Variants in KIF13A observed in about 807,000 individuals in gnomAD.
The protein encoded by KIF13A is kinesin-like protein KIF13A.
Under a neutral mutation model 212.2 loss-of-function variants are expected in KIF13A, and 79 were observed. The observed-to-expected ratio is 0.37, with a 90% confidence interval of 0.31 to 0.45. KIF13A has a LOEUF of 0.45. Among genes scored for constraint, KIF13A ranks in the 20% least tolerant of loss-of-function variants. The pLI is 1.00. For missense variants in KIF13A, 1,901 were observed against 2,209.0 expected, an observed-to-expected ratio of 0.86 and a Z score of 2.79; for synonymous variants, 789 against 808.6, an observed-to-expected ratio of 0.98 and a Z score of 0.41.
At chr6:17,901,354 AT>A (rs1203309364) in intron 2 of KIF13A, among the ~76,000 whole-genome samples, 3 of 152,208 alleles carry the variant, frequency 2.0e-5, no homozygotes, top group Admixed American at 1.3e-4. Context: ...AAATAAAAAA[AT>A]TCATATACTT....
At position 17,794,695 on chromosome 6, in the gene KIF13A, T is replaced by C. The variant is rs1486751512; in HGVS notation, c.2952A>G (p.Glu984=). ...TCCACATTTCTATTCTTCGCGTTAC[T>C]TCATTCCACCTGCAGAAACACATTC... ...KTRTLHDRWN[E]VTRRIEMWIS... is the part of the protein sequence containing the mutation. The change falls in exon 24 of 39, where the codon GAA becomes GAG. Residue 984 remains glutamate, a synonymous_variant. Coordinates refer to ENST00000259711, the MANE Select transcript of KIF13A (RefSeq NM_022113.6). The surrounding 1 kb of genome is among the most constrained non-coding windows in gnomAD (Gnocchi z 4.1). 1 of 1,608,768 alleles carries C rather than the reference T, an allele frequency of 6.2e-7. No homozygotes were observed. Among genetic ancestry groups the C allele is most frequent in the Non-Finnish European group, 8.5e-7 (1 of 1,178,824 alleles).
intron 3 of KIF13A, among the ~76,000 whole-genome samples, chr6:17,894,533 C>T (rs1772384473): frequency 6.6e-6 from 1 of 151,800 alleles, no homozygotes; most frequent in Non-Finnish European, 1.5e-5. Context: ...TTTAGGCTTA[C>T]AAAAAACTTC....
chr6:17,939,800 C>T (rs1259078983), intron 2 of KIF13A, among the ~76,000 whole-genome samples: 4 of 152,122 alleles, frequency 2.6e-5, no homozygotes, highest in Non-Finnish European at 4.4e-5. Flanking sequence ...CGCTTCTAAT[C>T]CCAGCACTTT....
intron 2 of KIF13A, among the ~76,000 whole-genome samples, chr6:17,908,466 T>C (rs1773723683): frequency 1.3e-5 from 2 of 151,942 alleles, no homozygotes; most frequent in South Asian, 4.2e-4. Context: ...CAGCCAGGTG[T>C]GATGGTGCGT....
In KIF13A at chr6:17,872,295, CT is replaced by C. The variant is rs1770088186; in HGVS notation, c.220+1081del. On this transcript the variant is annotated intron_variant, in intron 4 of 38. Transcript: ENST00000259711. The surrounding 1 kb of genome is among the most constrained non-coding windows in gnomAD (Gnocchi z 4.7). ...TAGTCATGTGCTTTTACCTCCAAAT[CT>C]TTTAAGGCCAATATCCTCCCTTCAT... Among the ~76,000 whole-genome samples, 1 of 152,176 alleles carries C rather than the reference CT, an allele frequency of 6.6e-6. No individual in the cohort carries two copies. The highest frequency in any genetic ancestry group is 2.1e-4 in the South Asian group (1 of 4,834).
chr6:17,911,994 G>A (rs1686828666), intron 2 of KIF13A, among the ~76,000 whole-genome samples: 3 of 152,076 alleles, frequency 2.0e-5, no homozygotes, highest in African/African-American at 7.2e-5. Context: ...GAACTCCTGA[G>A]CTCAGGCGAT....
chr6:17,782,404 G>A (rs1333142746), intron 29 of KIF13A, among the ~76,000 whole-genome samples: 1 of 151,972 alleles, frequency 6.6e-6, no homozygotes, highest in African/African-American at 2.4e-5. Flanking sequence ...TTGGGAGGCC[G>A]AGCTGGGTGG....
intron 16 of KIF13A, among the ~76,000 whole-genome samples, chr6:17,821,019 GTTCT>G (rs1422417004): frequency 2.6e-5 from 4 of 152,268 alleles, no homozygotes; most frequent in Admixed American, 2.6e-4. Flanking sequence ...CCCCTTAATT[GTTCT>G]TTATTTTTAA....
chr6:17,882,763 T>C (rs1394639879), intron 3 of KIF13A, among the ~76,000 whole-genome samples: 1 of 152,160 alleles, frequency 6.6e-6, no homozygotes, highest in Non-Finnish European at 1.5e-5. Flanking sequence ...AGTTTCACCA[T>C]GCTGGCCATG....
At chr6:17,770,240 C>G (rs959849698) in intron 38 of KIF13A, 2 of 152,074 alleles carry the variant, frequency 1.3e-5, no homozygotes, top group Non-Finnish European at 2.9e-5. Context: ...GCAACATAAA[C>G]ATCAAGCAGT....
rs2150369501 is a variant in KIF13A at position 17,829,137 on chromosome 6, G to A, written c.1402-767C>T. On this transcript the variant is annotated intron_variant, in intron 13 of 38. Transcript: ENST00000259711. This position sits in a 1 kb window ranked among gnomAD's most constrained non-coding sequence, Gnocchi z 5.4. Reference sequence around the variant, plus strand: ...TAATTTTTATTTTTAGTACAGATGGGGGTTTCACCATGTTCGCCAGCCTGG... The same window carrying A: ...TAATTTTTATTTTTAGTACAGATGGAGGTTTCACCATGTTCGCCAGCCTGG... 6.6e-6 allele frequency among the ~76,000 whole-genome samples: 1 copy of A among 152,188 alleles called. No individual in the cohort carries two copies. The highest frequency in any genetic ancestry group is 2.1e-4 in the South Asian group (1 of 4,820).
chr6:17,770,802 T>C (rs957208947), intron 38 of KIF13A: 23 of 987,106 alleles, frequency 2.3e-5, no homozygotes, highest in South Asian at 1.5e-4. Flanking sequence ...GCAATATGTA[T>C]AGGCACATTA....
chr6:17,783,850 C>A lies in KIF13A; in HGVS notation c.3489-149G>T. On this transcript the variant is annotated intron_variant, in intron 28 of 38. Coordinates refer to ENST00000259711, the MANE Select transcript of KIF13A (RefSeq NM_022113.6). This position sits in a 1 kb window ranked among gnomAD's most constrained non-coding sequence, Gnocchi z 4.3. ...AATACTTTCATATTTCTTGACTTCCCTGTAGACATAAATCATGGGAATTAT... is the reference window on the plus strand; with the variant it reads ...AATACTTTCATATTTCTTGACTTCCATGTAGACATAAATCATGGGAATTAT... 1.6e-6 allele frequency: 1 copy of A among 640,060 alleles called. No individual in the cohort carries two copies. The highest frequency in any genetic ancestry group is 2.8e-6 in the Non-Finnish European group (1 of 359,174). The allele number at this position is 640,060 out of a possible 1,614,324, so 39.6% of individuals were successfully genotyped here.
rs1013685920 is a variant in KIF13A at position 17,976,568 on chromosome 6, C to T, written c.146+10486G>A. The stretch of plus-strand genomic sequence containing the variant: ...AGCCCCGGTTCCCGCTCGCGCCTCT[C>T]CCTCCACACCTCCCTGCAAGCTGAG... On this transcript the variant is annotated intron_variant, in intron 2 of 38. Coordinates refer to ENST00000259711, the MANE Select transcript of KIF13A (RefSeq NM_022113.6). Among the ~76,000 whole-genome samples, 13 of 152,186 alleles carry T rather than the reference C, an allele frequency of 8.5e-5. 1 individual carries two copies. Among genetic ancestry groups the T allele is most frequent in the South Asian group, 2.1e-4 (1 of 4,832 alleles).
chr6:17,893,183 G>C (rs1017055938), intron 3 of KIF13A, among the ~76,000 whole-genome samples: 1 of 152,138 alleles, frequency 6.6e-6, no homozygotes, highest in Non-Finnish European at 1.5e-5. Context: ...AGAGTGCTGT[G>C]GGTAAATACA....
At chr6:17,923,781 T>C (rs1775278130) in intron 2 of KIF13A, among the ~76,000 whole-genome samples, 1 of 152,224 alleles carries the variant, frequency 6.6e-6, no homozygotes, top group Non-Finnish European at 1.5e-5. Flanking sequence ...TCAATCACCT[T>C]TTCACCAGTG....
At chr6:17,975,251 G>T (rs1459661912) in intron 2 of KIF13A, among the ~76,000 whole-genome samples, 15 of 152,186 alleles carry the variant, frequency 9.9e-5, no homozygotes, top group Admixed American at 9.2e-4. Context: ...TACTCGGAAG[G>T]CTCAGGCAGG....
chr6:17,782,103 A>G (rs556752588), intron 29 of KIF13A, among the ~76,000 whole-genome samples: 1 of 151,756 alleles, frequency 6.6e-6, no homozygotes, highest in African/African-American at 2.4e-5. Flanking sequence ...TGCCCAGGTA[A>G]TTTTTGTATT....
chr6:17,912,615 G>C lies in KIF13A; in HGVS notation c.147-14435C>G, dbSNP rs747980995. On this transcript the variant is annotated intron_variant, in intron 2 of 38. Transcript: ENST00000259711. This position sits in a 1 kb window ranked among gnomAD's most constrained non-coding sequence, Gnocchi z 4.2. ...TCTTTATTTGGGACATGCCACCCTT[G>C]TTGAGTTTTATCATGCATCTTCAAG... 6.6e-6 allele frequency among the ~76,000 whole-genome samples: 1 copy of C among 152,126 alleles called. No homozygotes were observed. The highest frequency in any genetic ancestry group is 1.5e-5 in the Non-Finnish European group (1 of 68,026).
Sources: allele counts gnomAD v4.1 joint callset (sites outside exome capture counted in the v4.1 genomes callset), GRCh38; gene constraint gnomAD v4.1.1; non-coding constraint Gnocchi (gnomAD v3.1); transcripts MANE v1.5; gene names NCBI Gene and HGNC (gene_info 2026-07-23, HGNC 2026-07-21).